Variants in ADCY2 observed in about 807,000 individuals in gnomAD.
ADCY2 encodes adenylate cyclase 2.
A neutral mutation model predicts 125.2 loss-of-function variants in ADCY2; 31 were observed. That is an observed-to-expected ratio of 0.25 (90% CI 0.19 to 0.33). The LOEUF (loss-of-function observed/expected upper bound fraction) is 0.33. Ranked by LOEUF, ADCY2 falls within the 10% of genes least tolerant of loss-of-function variation. The pLI is 1.00. For missense variants in ADCY2, 904 were observed against 1,418.2 expected (o/e 0.64, Z 5.82); for synonymous variants, 512 against 548.4 (o/e 0.93, Z 0.93).
chr5:7,561,065 G>T (rs185494219), intron 3 of ADCY2, among the ~76,000 whole-genome samples: 5 of 152,198 alleles, frequency 3.3e-5, no homozygotes, highest in Admixed American at 1.3e-4. Flanking sequence ...ACTTTTAACC[G>T]TTCATAAGGA....
chr5:7,474,994 G>A (rs1001024245), intron 2 of ADCY2, among the ~76,000 whole-genome samples: 1 of 152,312 alleles, frequency 6.6e-6, no homozygotes, highest in Non-Finnish European at 1.5e-5. Context: ...CGTCCAGAGC[G>A]CTCCCGGGAG....
chr5:7,743,363 G>C (rs1742499153), intron 14 of ADCY2, among the ~76,000 whole-genome samples: 1 of 151,258 alleles, frequency 6.6e-6, no homozygotes, highest in Non-Finnish European at 1.5e-5. Flanking sequence ...ATGTGGCCAA[G>C]TGCCACATGA....
chr5:7,580,034 A>G (rs1228816790), intron 3 of ADCY2, among the ~76,000 whole-genome samples: 1 of 152,178 alleles, frequency 6.6e-6, no homozygotes, highest in Non-Finnish European at 1.5e-5. Context: ...AATAACAAAC[A>G]TTCTCAGTAA....
intron 2 of ADCY2, among the ~76,000 whole-genome samples, chr5:7,474,992 G>A (rs1742467999): frequency 6.6e-6 from 1 of 152,244 alleles, no homozygotes; most frequent in South Asian, 2.1e-4. Flanking sequence ...AGCGTCCAGA[G>A]CGCTCCCGGG....
intron 8 of ADCY2, 91 bp from the exon 9 acceptor site, chr5:7,707,615 A>G: frequency 1.3e-6 from 2 of 1,485,916 alleles, no homozygotes; most frequent in Non-Finnish European, 1.8e-6. Context: ...ACTTTAGTGG[A>G]TAAATTATTT....
intron 22 of ADCY2, among the ~76,000 whole-genome samples, chr5:7,813,074 C>T (rs1266676819): frequency 6.6e-6 from 1 of 152,216 alleles, no homozygotes; most frequent in East Asian, 1.9e-4. Flanking sequence ...CCATTGGCAA[C>T]CCTCTCCCAG....
rs187694992 is a variant in ADCY2 at position 7,735,788 on chromosome 5, T to C, written c.1872-7880T>C. ...AAGAGATACTGATTTCTACTTTTTT[T>C]TGTGATGTCTTTGGTATTGGTGTCA... On this transcript the variant is annotated intron_variant, in intron 14 of 24. Coordinates refer to ENST00000338316, the MANE Select transcript of ADCY2 (RefSeq NM_020546.3). Among the ~76,000 whole-genome samples, 632 of 152,338 alleles carry C rather than the reference T, an allele frequency of 4.1e-3. 1 individual carries two copies. Among genetic ancestry groups the C allele is most frequent in the Non-Finnish European group, 6.6e-3 (450 of 68,024 alleles).
chr5:7,637,505 A>C (rs1738553963), intron 4 of ADCY2, among the ~76,000 whole-genome samples: 1 of 152,070 alleles, frequency 6.6e-6, no homozygotes, highest in Admixed American at 6.6e-5. Context: ...CATTCATTAC[A>C]GTTACTAAAT....
intron 11 of ADCY2, among the ~76,000 whole-genome samples, chr5:7,713,514 GA>G (rs532820811): frequency 1.4e-5 from 2 of 146,710 alleles, no homozygotes; most frequent in Non-Finnish European, 3.0e-5. Context: ...AAAATAAAAA[GA>G]AAAAAGTTAC....
chr5:7,466,701 T>C (rs1250977523), intron 2 of ADCY2, among the ~76,000 whole-genome samples: 2 of 152,218 alleles, frequency 1.3e-5, no homozygotes, highest in Non-Finnish European at 2.9e-5. Flanking sequence ...CTCTTGACTG[T>C]ATTTTCAAGG....
chr5:7,644,509 C>T (rs563242701), intron 4 of ADCY2, among the ~76,000 whole-genome samples: 3 of 152,134 alleles, frequency 2.0e-5, no homozygotes, highest in African/African-American at 7.2e-5. Context: ...GCCCATCATA[C>T]ATTTTTAGTC....
chr5:7,507,089 C>T (rs984159868), intron 2 of ADCY2, among the ~76,000 whole-genome samples: 1 of 151,302 alleles, frequency 6.6e-6, no homozygotes, highest in South Asian at 2.1e-4. Flanking sequence ...GATTTCTTCA[C>T]ACGCGGGAGG....
chr5:7,766,771 G>A lies in ADCY2; in HGVS notation c.2179G>A (p.Ala727Thr). Residue 727 changes from alanine (A) to threonine (T), a missense_variant, in exon 17 of 25, where the codon GCG becomes ACG. Coordinates refer to ENST00000338316, the MANE Select transcript of ADCY2 (RefSeq NM_020546.3). ...CTTTTCAGCCTCAAATAATCAGGTG[G>A]CGATTCTGCGTGCGCAGAATTTATT... is the stretch of plus-strand genomic sequence containing the variant. ...TSFSASNNQV[A>T]ILRAQNLFFL... The A allele has an allele frequency of 2.5e-6, 4 of 1,611,346 alleles. No individual in the cohort carries two copies. The highest frequency in any genetic ancestry group is 3.4e-6 in the Non-Finnish European group (4 of 1,179,394).
intron 12 of ADCY2, among the ~76,000 whole-genome samples, chr5:7,720,543 C>G (rs1024660894): frequency 2.0e-5 from 3 of 151,936 alleles, no homozygotes; most frequent in Admixed American, 2.0e-4. Flanking sequence ...GCTATCCTCC[C>G]CTCTCCCCCC....
At chr5:7,529,856 C>T (rs1734586801) in intron 3 of ADCY2, among the ~76,000 whole-genome samples, 1 of 152,238 alleles carries the variant, frequency 6.6e-6, no homozygotes, top group Non-Finnish European at 1.5e-5. Context: ...CAATTGCAGG[C>T]AATTCTGACA....
chr5:7,798,411 A>G (rs1744490706), intron 20 of ADCY2: 1 of 152,138 alleles, frequency 6.6e-6, no homozygotes, highest in Non-Finnish European at 1.5e-5. Flanking sequence ...CCTCTTCTCC[A>G]TTCTGGATGG....
chr5:7,687,195 T>C (rs867572129), intron 4 of ADCY2, among the ~76,000 whole-genome samples: 1 of 152,358 alleles, frequency 6.6e-6, no homozygotes, highest in African/African-American at 2.4e-5. Flanking sequence ...CTATTAAAAG[T>C]CAGTCATCCT....
chr5:7,488,768 C>T (rs1743040655), intron 2 of ADCY2, among the ~76,000 whole-genome samples: 1 of 152,114 alleles, frequency 6.6e-6, no homozygotes, highest in Non-Finnish European at 1.5e-5. Context: ...CATTCTCGCC[C>T]CTAGATCCCT....
Position 7,727,304 on chromosome 5 carries a change from C to T in ADCY2, c.1871+43C>T, listed in dbSNP as rs931284582. The T allele has an allele frequency of 8.0e-6, 12 of 1,506,868 alleles. No homozygotes were observed. In the African/African-American group the frequency reaches 1.5e-4, roughly 19 times the overall value. 93.3% of individuals were successfully genotyped at this position (1,506,868 alleles called of 1,614,324 possible). On this transcript the variant is annotated intron_variant, in intron 14 of 24. Coordinates refer to ENST00000338316, the MANE Select transcript of ADCY2 (RefSeq NM_020546.3). ...CCACTGGGATTCTCACCTGGGGTGC[C>T]TTTCCACTGGAGCCCAGTTATATTT...
Sources: allele counts gnomAD v4.1 joint callset (sites outside exome capture counted in the v4.1 genomes callset), GRCh38; gene constraint gnomAD v4.1.1; transcripts MANE v1.5; gene names NCBI Gene and HGNC (gene_info 2026-07-23, HGNC 2026-07-21).